Variants in ATP8A2 observed in about 807,000 individuals in gnomAD.
ATP8A2 encodes the protein ATPase phospholipid transporting 8A2, also known as phospholipid-transporting ATPase IB.
A neutral mutation model predicts 165.6 loss-of-function variants in ATP8A2; 100 were observed. The observed-to-expected ratio is 0.60, with a 90% CI of 0.51 to 0.71. The LOEUF is 0.71. Among genes scored for constraint, ATP8A2 ranks in the 30% least tolerant of loss-of-function variants. The probability of loss-of-function intolerance (pLI) is 0.00; values close to 1 mark genes in which losing one functional copy is unlikely to be tolerated. For synonymous variants in ATP8A2, 543 were observed against 548.8 expected (o/e 0.99, Z 0.15); for missense variants, 1,227 against 1,479.5 (o/e 0.83, Z 2.80).
chr13:25,523,375 T>C (rs553586558), intron 2 of ATP8A2, among the ~76,000 whole-genome samples: 4 of 151,554 alleles, frequency 2.6e-5, no homozygotes, highest in Non-Finnish European at 5.9e-5. Context: ...GGGGCTTAGA[T>C]CCTCCCACCT....
rs756154263 is a variant in ATP8A2, at chr13:25,578,915, A to G, written c.1867+16A>G. ...GCCACGGAAGGTAAGTGGAATTTGG[A>G]AATGCTGTTTTTGGCCATTGGAGCT... On this transcript the variant is annotated intron_variant, in intron 21 of 36. Coordinates refer to ENST00000381655, the MANE Select transcript of ATP8A2 (RefSeq NM_016529.6). 1.3e-6 allele frequency: 2 copies of G among 1,562,304 alleles called. No homozygotes were observed. Among genetic ancestry groups the G allele is most frequent in the South Asian group, 2.2e-5 (2 of 90,082 alleles).
At chr13:25,729,781 C>G (rs1336760292) in intron 25 of ATP8A2, among the ~76,000 whole-genome samples, 1 of 152,086 alleles carries the variant, frequency 6.6e-6, no homozygotes, top group Non-Finnish European at 1.5e-5. Context: ...GTACTCATCA[C>G]TCTAGCACTT....
intron 10 of ATP8A2, 94 bp from the exon 11 acceptor site, chr13:25,551,244 G>A (rs543736320): frequency 1.7e-6 from 2 of 1,202,516 alleles, no homozygotes; most frequent in Admixed American, 4.4e-5. Flanking sequence ...TTTACTTGTT[G>A]GTTGTTAAAT....
At chr13:25,936,662 G>A in intron 33 of ATP8A2, among the ~76,000 whole-genome samples, 1 of 152,308 alleles carries the variant, frequency 6.6e-6, no homozygotes, top group East Asian at 1.9e-4. Flanking sequence ...ATTCCATGAG[G>A]AATCATCGGA....
Position 25,935,297 on chromosome 13 carries a change from C to T in ATP8A2, c.3184-26278C>T, listed in dbSNP as rs546852913. 1.9e-3 allele frequency among the ~76,000 whole-genome samples: 293 copies of T among 152,280 alleles called. 1 individual carries two copies. The highest frequency in any genetic ancestry group is 6.6e-3 in the African/African-American group (273 of 41,556). ...CACTCATTGTTTTTCTACCTTGGTA[C>T]AGCAAGCAAATAAACTCTCCACCAT... On this transcript the variant is annotated intron_variant, in intron 33 of 36. Transcript: ENST00000381655.
At chr13:25,719,430 G>C (rs151311467) in intron 25 of ATP8A2, among the ~76,000 whole-genome samples, 1 of 152,098 alleles carries the variant, frequency 6.6e-6, no homozygotes, top group African/African-American at 2.4e-5. Context: ...TGAAAGGTTG[G>C]GTGGGTGGAT....
chr13:25,566,999 A>G (rs1347015372), intron 16 of ATP8A2: 1 of 190,416 alleles, frequency 5.3e-6, no homozygotes, highest in Non-Finnish European at 1.1e-5. Context: ...ACATGTGAGC[A>G]GTGTATTTGC....
At chr13:25,526,102 C>T (rs1221171124) in intron 2 of ATP8A2, among the ~76,000 whole-genome samples, 1 of 151,934 alleles carries the variant, frequency 6.6e-6, no homozygotes, top group Non-Finnish European at 1.5e-5. Context: ...ATGAGTTTTT[C>T]AGTTCCTCAA....
chr13:25,777,365 A>G (rs1394447471), intron 27 of ATP8A2, among the ~76,000 whole-genome samples: 1 of 152,166 alleles, frequency 6.6e-6, no homozygotes, highest in Non-Finnish European at 1.5e-5. Flanking sequence ...AAAAATAGGA[A>G]AGTACTACTT....
intron 24 of ATP8A2, among the ~76,000 whole-genome samples, chr13:25,647,706 A>G (rs1217848014): frequency 6.7e-6 from 1 of 148,730 alleles, no homozygotes; most frequent in Non-Finnish European, 1.5e-5. Flanking sequence ...TCTTTTTTAG[A>G]TGGAGTTTCA....
chr13:25,829,668 G>GTATATAAATATATATATA (rs1951406653), intron 28 of ATP8A2, among the ~76,000 whole-genome samples: 1 of 63,394 alleles, frequency 1.6e-5, no homozygotes, highest in Admixed American at 1.7e-4. Flanking sequence ...GACAGGTGTG[G>GTATATAAATATATATATA]TATATATATA....
intron 27 of ATP8A2, among the ~76,000 whole-genome samples, chr13:25,797,974 T>G (rs1950531091): frequency 6.6e-6 from 1 of 152,222 alleles, no homozygotes; most frequent in Admixed American, 6.5e-5. Flanking sequence ...GATAAGTGAA[T>G]CTTAAATTCT....
chr13:25,734,243 A>T (rs1157505145), intron 25 of ATP8A2, among the ~76,000 whole-genome samples: 2 of 152,172 alleles, frequency 1.3e-5, no homozygotes, highest in Non-Finnish European at 2.9e-5. Context: ...TTCCACCCAC[A>T]TTCCTGTACT....
At chr13:25,556,154 G>C (rs1184286784) in intron 13 of ATP8A2, among the ~76,000 whole-genome samples, 1 of 152,208 alleles carries the variant, frequency 6.6e-6, no homozygotes, top group Non-Finnish European at 1.5e-5. Context: ...TAGGTCAAAT[G>C]GTAGTTCTGT....
chr13:25,738,338 C>A (rs943335604), intron 25 of ATP8A2, among the ~76,000 whole-genome samples: 1 of 25,576 alleles, frequency 3.9e-5, no homozygotes, highest in African/African-American at 1.0e-4. Context: ...TTTGTGCCCC[C>A]CTCCCCCCCC....
At chr13:25,770,052 G>A (rs1178719194) in intron 26 of ATP8A2, among the ~76,000 whole-genome samples, 2 of 152,142 alleles carry the variant, frequency 1.3e-5, no homozygotes, top group East Asian at 1.9e-4. Flanking sequence ...TAACTTAACC[G>A]ACTCCATCTT....
At chr13:26,010,222 T>C (rs1307342941) in intron 35 of ATP8A2, among the ~76,000 whole-genome samples, 1 of 152,188 alleles carries the variant, frequency 6.6e-6, no homozygotes, top group Non-Finnish European at 1.5e-5. Flanking sequence ...GAGTCTGTTT[T>C]CTCACCTGCC....
chr13:25,862,186 A>T, intron 32 of ATP8A2, 115 bp from the exon 33 acceptor site: 1 of 690,952 alleles, frequency 1.4e-6, no homozygotes, highest in Non-Finnish European at 2.6e-6. Flanking sequence ...TGAGTCATCA[A>T]AGTCTTTCCA....
In ATP8A2 at chr13:25,372,132, T is replaced by G; in HGVS notation, c.-81T>G. 9.7e-7 allele frequency: 1 copy of G among 1,028,144 alleles called. No homozygotes were observed. Among genetic ancestry groups the G allele is most frequent in the Non-Finnish European group, 1.3e-6 (1 of 792,170 alleles). 63.7% of individuals were successfully genotyped at this position (1,028,144 alleles called of 1,614,324 possible). A position where few individuals can be genotyped will look rare whatever the true frequency, so the allele number is the denominator to read the frequency against. On this transcript the variant is annotated 5_prime_UTR_variant, in exon 1 of 37. Transcript: ENST00000381655. This position sits in a 1 kb window ranked among gnomAD's most constrained non-coding sequence, Gnocchi z 4.8. ...CGAGGCGCTGGCCCACCCATGGTCC[T>G]CGGGCGGCGGCCCCTGCGCCCAGCC...
Sources: allele counts gnomAD v4.1 joint callset (sites outside exome capture counted in the v4.1 genomes callset), GRCh38; gene constraint gnomAD v4.1.1; non-coding constraint Gnocchi (gnomAD v3.1); transcripts MANE v1.5; gene names NCBI Gene and HGNC (gene_info 2026-07-23, HGNC 2026-07-21).